Variants in CDH12 observed in about 807,000 individuals in gnomAD.
The protein encoded by CDH12 is cadherin 12, also known as cadherin-12.
In CDH12, 41 loss-of-function variants were observed where a neutral mutation model predicts 74.1. The ratio of observed to expected loss-of-function variants is 0.55; its 90% CI spans 0.43 to 0.72. The LOEUF (loss-of-function observed/expected upper bound fraction) is 0.72. Among genes scored for constraint, CDH12 ranks in the 30% least tolerant of loss-of-function variants. The pLI is 0.00. For missense variants in CDH12, 945 were observed against 977.2 expected (o/e 0.97, Z 0.44); for synonymous variants, 399 against 355.0 (o/e 1.12, Z -1.39).
At chr5:22,061,892 A>C (rs1741213201) in intron 5 of CDH12, among the ~76,000 whole-genome samples, 1 of 152,142 alleles carries the variant, frequency 6.6e-6, no homozygotes, top group African/African-American at 2.4e-5. Flanking sequence ...TCACGTGGCT[A>C]ATGATTATGA....
At chr5:22,773,815 T>C (rs971899845) in intron 1 of CDH12, among the ~76,000 whole-genome samples, 1 of 151,854 alleles carries the variant, frequency 6.6e-6, no homozygotes, top group Non-Finnish European at 1.5e-5. Flanking sequence ...TATATAACCC[T>C]ATTAAAAATG....
intron 2 of CDH12, among the ~76,000 whole-genome samples, chr5:22,482,124 G>A (rs552939040): frequency 1.3e-5 from 2 of 151,990 alleles, no homozygotes; most frequent in Non-Finnish European, 2.9e-5. Flanking sequence ...GACTACTTGA[G>A]GAAAGAACCC....
chr5:22,295,099 C>A (rs1420356024), intron 3 of CDH12, among the ~76,000 whole-genome samples: 2 of 152,136 alleles, frequency 1.3e-5, no homozygotes, highest in South Asian at 2.1e-4. Flanking sequence ...TGCTTAAAAA[C>A]CCTCTCACCT....
intron 1 of CDH12, among the ~76,000 whole-genome samples, chr5:22,537,634 G>C (rs1466769904): frequency 6.6e-6 from 1 of 152,064 alleles, no homozygotes; most frequent in Non-Finnish European, 1.5e-5. Context: ...GCTCCAACCA[G>C]AGACATTCCA....
At chr5:22,308,666 C>T (rs543149150) in intron 3 of CDH12, among the ~76,000 whole-genome samples, 1 of 152,052 alleles carries the variant, frequency 6.6e-6, no homozygotes, top group Non-Finnish European at 1.5e-5. Flanking sequence ...TCAGGATAAT[C>T]TCCCTATTTG....
intron 1 of CDH12, among the ~76,000 whole-genome samples, chr5:22,696,185 A>T (rs269020): frequency 6.6e-6 from 1 of 151,714 alleles, no homozygotes; most frequent in African/African-American, 2.4e-5. Flanking sequence ...TGGCTAACAC[A>T]ATGAAACCCA....
intron 8 of CDH12, among the ~76,000 whole-genome samples, chr5:21,823,170 A>C (rs73054945): frequency 0.018 from 2,807 of 152,202 alleles, 90 homozygotes; most frequent in African/African-American, 0.063. Flanking sequence ...ATCACACAAA[A>C]AAGTAAAATA....
intron 3 of CDH12, among the ~76,000 whole-genome samples, chr5:22,225,576 T>A (rs898161098): frequency 6.6e-6 from 1 of 152,146 alleles, no homozygotes; most frequent in African/African-American, 2.4e-5. Flanking sequence ...TTTTTGTAGA[T>A]AAATGGATAA....
chr5:22,138,845 AAT>A (rs67115449), intron 4 of CDH12, among the ~76,000 whole-genome samples: 5,492 of 76,486 alleles, frequency 0.072, 333 homozygotes, highest in East Asian at 0.11. Flanking sequence ...ATATATACGT[AAT>A]ATATATATAT....
intron 1 of CDH12, among the ~76,000 whole-genome samples, chr5:22,762,577 T>A (rs1746283875): frequency 6.6e-6 from 1 of 152,030 alleles, no homozygotes; most frequent in African/African-American, 2.4e-5. Context: ...CCTTGAAAAC[T>A]GTGATCAGAC....
intron 6 of CDH12, among the ~76,000 whole-genome samples, chr5:21,969,796 C>A (rs934365703): frequency 1.3e-5 from 2 of 152,022 alleles, no homozygotes; most frequent in African/African-American, 4.8e-5. Context: ...ATAAAAGTAA[C>A]CATCATCAGT....
intron 1 of CDH12, among the ~76,000 whole-genome samples, chr5:22,805,084 T>C (rs183274328): frequency 2.0e-5 from 3 of 152,284 alleles, no homozygotes; most frequent in Admixed American, 2.0e-4. Context: ...CAATTTAATA[T>C]TATCTGACAC....
chr5:22,607,247 C>A (rs983984749), intron 1 of CDH12, among the ~76,000 whole-genome samples: 1 of 152,168 alleles, frequency 6.6e-6, no homozygotes, highest in African/African-American at 2.4e-5. Context: ...ATGTTAATCA[C>A]CAAAACAATG....
intron 3 of CDH12, among the ~76,000 whole-genome samples, chr5:22,403,070 G>A (rs759991005): frequency 2.6e-5 from 4 of 152,140 alleles, no homozygotes; most frequent in Non-Finnish European, 2.9e-5. Flanking sequence ...AACTACTCAG[G>A]TGCTGAAGGC....
chr5:22,713,222 C>A (rs1027662205), intron 1 of CDH12, among the ~76,000 whole-genome samples: 11 of 142,360 alleles, frequency 7.7e-5, no homozygotes, highest in Admixed American at 3.8e-4. Flanking sequence ...CTCACTGCAA[C>A]CTACGCCTCC....
chr5:22,532,407 C>T (rs1241849054), intron 1 of CDH12, among the ~76,000 whole-genome samples: 24 of 96,988 alleles, frequency 2.5e-4, no homozygotes, highest in African/African-American at 9.4e-4. Flanking sequence ...TCCTATCCAA[C>T]AGTTTCACAG....
chr5:22,267,957 G>A (rs1736211056), intron 3 of CDH12, among the ~76,000 whole-genome samples: 1 of 152,020 alleles, frequency 6.6e-6, no homozygotes, highest in Non-Finnish European at 1.5e-5. Context: ...ATAATTTTAA[G>A]CATCCCAACC....
At chr5:21,834,918 A>G (rs1271145862) in intron 8 of CDH12, among the ~76,000 whole-genome samples, 2 of 151,894 alleles carry the variant, frequency 1.3e-5, no homozygotes, top group Non-Finnish European at 2.9e-5. Flanking sequence ...CTTCCTTGGT[A>G]TTTGCTTTCA....
chr5:22,220,516 A>AT (rs751460078), intron 3 of CDH12, among the ~76,000 whole-genome samples: 9 of 151,124 alleles, frequency 6.0e-5, no homozygotes, highest in East Asian at 5.8e-4. Flanking sequence ...GAGAAACTAA[A>AT]TTTTTTTTTC....
Sources: gnomAD v4.1 joint callset for allele counts (sites outside exome capture counted in the v4.1 genomes callset) on GRCh38, gnomAD v4.1.1 for gene constraint, MANE v1.5 for transcripts, NCBI Gene and HGNC (gene_info 2026-07-23, HGNC 2026-07-21) for gene names.